Variants in ATP2B2 observed in about 807,000 individuals in gnomAD.
ATP2B2 encodes the protein plasma membrane calcium-transporting ATPase 2.
In ATP2B2, 15 loss-of-function variants were observed where a neutral mutation model predicts 120.0. That is an observed-to-expected ratio of 0.12 (90% confidence interval 0.08 to 0.19). The LOEUF is 0.19. ATP2B2 is among the 10% of genes least tolerant of loss of function. ATP2B2 has a pLI of 1.00. For missense variants in ATP2B2, 1,045 were observed against 1,719.8 expected, an observed-to-expected ratio of 0.61 and a Z score of 6.94; for synonymous variants, 694 against 700.3, an observed-to-expected ratio of 0.99 and a Z score of 0.14.
intron 1 of ATP2B2, among the ~76,000 whole-genome samples, chr3:10,659,095 G>GC (rs2070713728): frequency 1.3e-5 from 2 of 151,932 alleles, no homozygotes; most frequent in African/African-American, 4.8e-5. Flanking sequence ...CTGAAGGAAG[G>GC]ACTAAACATG....
chr3:10,535,801 G>A (rs2067302121), intron 2 of ATP2B2, among the ~76,000 whole-genome samples: 1 of 152,042 alleles, frequency 6.6e-6, no homozygotes, highest in African/African-American at 2.4e-5. Flanking sequence ...TCCTAGTTGT[G>A]GGGTATTATA....
intron 2 of ATP2B2, among the ~76,000 whole-genome samples, chr3:10,579,845 C>CAAA (rs137955154): frequency 1.5e-3 from 231 of 150,610 alleles, no homozygotes; most frequent in Non-Finnish European, 2.7e-3. Flanking sequence ...CAAAACAAAA[C>CAAA]AAAGAAACAG....
At chr3:10,572,138 AG>A (rs2068142649) in intron 2 of ATP2B2, among the ~76,000 whole-genome samples, 1 of 152,196 alleles carries the variant, frequency 6.6e-6, no homozygotes. Context: ...TGTTGGTTGC[AG>A]GCGGAGGCTC....
chr3:10,463,502 C>A (rs2064589077), intron 1 of ATP2B2, among the ~76,000 whole-genome samples: 1 of 152,232 alleles, frequency 6.6e-6, no homozygotes, highest in South Asian at 2.1e-4. Context: ...CACATATGAA[C>A]CCCAGGAAGG....
chr3:10,450,752 C>A (rs761095591), intron 1 of ATP2B2, among the ~76,000 whole-genome samples: 3 of 152,228 alleles, frequency 2.0e-5, no homozygotes, highest in Non-Finnish European at 4.4e-5. Context: ...GAGGTGGGAG[C>A]TCTGGCTTCT....
intron 2 of ATP2B2, among the ~76,000 whole-genome samples, chr3:10,586,412 C>A (rs992748807): frequency 1.3e-5 from 2 of 152,196 alleles, no homozygotes; most frequent in African/African-American, 4.8e-5. Flanking sequence ...TTACTTTTGC[C>A]GTTTTGCAGA....
intron 3 of ATP2B2, among the ~76,000 whole-genome samples, chr3:10,410,063 A>G (rs1359249889): frequency 6.6e-6 from 1 of 152,222 alleles, no homozygotes; most frequent in Non-Finnish European, 1.5e-5. Flanking sequence ...AAAAGGCTCC[A>G]CAGCAAAATC....
intron 1 of ATP2B2, among the ~76,000 whole-genome samples, chr3:10,655,660 G>A (rs1559506830): frequency 6.6e-6 from 1 of 152,122 alleles, no homozygotes; most frequent in African/African-American, 2.4e-5. Flanking sequence ...CATGTCCCTG[G>A]ACTTACGTGG....
intron 1 of ATP2B2, among the ~76,000 whole-genome samples, chr3:10,684,022 A>G (rs1208619638): frequency 6.6e-6 from 1 of 151,896 alleles, no homozygotes; most frequent in Non-Finnish European, 1.5e-5. Flanking sequence ...GAGCAGCTCC[A>G]TTGGAGAATT....
At chr3:10,475,179 A>T (rs966808297) in intron 1 of ATP2B2, among the ~76,000 whole-genome samples, 2 of 152,242 alleles carry the variant, frequency 1.3e-5, no homozygotes, top group African/African-American at 2.4e-5. Flanking sequence ...TAGGAGGAGG[A>T]AAAAATGAAG....
chr3:10,367,762 T>A (rs2061107794), intron 12 of ATP2B2, among the ~76,000 whole-genome samples: 1 of 152,216 alleles, frequency 6.6e-6, no homozygotes, highest in Admixed American at 6.5e-5. Flanking sequence ...CTGCTCCAAC[T>A]GCAGGGTCCT....
intron 1 of ATP2B2, among the ~76,000 whole-genome samples, chr3:10,627,832 A>G (rs1178282754): frequency 6.6e-6 from 1 of 152,102 alleles, no homozygotes; most frequent in Non-Finnish European, 1.5e-5. Flanking sequence ...ATGGCCGTTT[A>G]TCAAATGGTC....
At chr3:10,351,705 A>G (rs2060583217) in intron 14 of ATP2B2, among the ~76,000 whole-genome samples, 1 of 152,232 alleles carries the variant, frequency 6.6e-6, no homozygotes, top group East Asian at 1.9e-4. Context: ...AGCTAAAATG[A>G]GCGCATCACG....
intron 1 of ATP2B2, among the ~76,000 whole-genome samples, chr3:10,456,787 T>C (rs2064277748): frequency 1.3e-5 from 2 of 152,196 alleles, no homozygotes; most frequent in Admixed American, 1.3e-4. Flanking sequence ...ATGAACTACT[T>C]ATAGTTCCCA....
At chr3:10,592,281 A>C (rs1402358634) in intron 2 of ATP2B2, among the ~76,000 whole-genome samples, 2 of 152,250 alleles carry the variant, frequency 1.3e-5, no homozygotes, top group African/African-American at 4.8e-5. Flanking sequence ...AGGGAAGTGG[A>C]TGGCAGAGAG....
intron 2 of ATP2B2, among the ~76,000 whole-genome samples, chr3:10,440,842 T>C (rs946853333): frequency 6.6e-6 from 1 of 152,230 alleles, no homozygotes; most frequent in Non-Finnish European, 1.5e-5. Context: ...TTGTTAGACG[T>C]GGTGCTCTGA....
intron 1 of ATP2B2, among the ~76,000 whole-genome samples, chr3:10,685,814 G>A (rs2071505700): frequency 6.6e-6 from 1 of 152,198 alleles, no homozygotes; most frequent in Admixed American, 6.5e-5. Flanking sequence ...CAGAATTCTA[G>A]TTCCATTCCT....
At chr3:10,484,552 C>A (rs1014424519) in intron 1 of ATP2B2, among the ~76,000 whole-genome samples, 1 of 152,134 alleles carries the variant, frequency 6.6e-6, no homozygotes, top group African/African-American at 2.4e-5. Flanking sequence ...GAGTTCCTCA[C>A]GGCCTGTCCC....
chr3:10,442,189 C>T (rs2063690776), intron 2 of ATP2B2, among the ~76,000 whole-genome samples: 1 of 152,088 alleles, frequency 6.6e-6, no homozygotes, highest in African/African-American at 2.4e-5. Flanking sequence ...GGTGGGTCTG[C>T]CTAATGCTCT....
Sources: gnomAD v4.1 joint callset for allele counts (sites outside exome capture counted in the v4.1 genomes callset) on GRCh38, gnomAD v4.1.1 for gene constraint, MANE v1.5 for transcripts, NCBI Gene and HGNC (gene_info 2026-07-23, HGNC 2026-07-21) for gene names.